The following MTRFR variants were observed in gnomAD, a reference collection of about 807,000 sequenced individuals.
MTRFR encodes the protein mitochondrial translation release factor in rescue.
In MTRFR, 10 loss-of-function variants were observed where a neutral mutation model predicts 11.9. The observed-to-expected ratio is 0.84, with a 90% CI of 0.52 to 1.42. The LOEUF (loss-of-function observed/expected upper bound fraction) is 1.42, where lower values mean the gene tolerates loss of function less well. Ranked by LOEUF, MTRFR falls within the 40% of genes most tolerant of loss-of-function variation. The probability of loss-of-function intolerance (pLI) is 0.00; values close to 1 mark genes in which losing one functional copy is unlikely to be tolerated. For synonymous variants in MTRFR, 77 were observed against 79.1 expected (o/e 0.97, Z 0.14); for missense variants, 196 against 197.9 (o/e 0.99, Z 0.06).
rs574184406 is a variant in MTRFR, at chr12:123,256,934, C to T, written c.404C>T (p.Ala135Val). The T allele has an allele frequency of 5.0e-6, 8 of 1,612,458 alleles. No homozygotes were observed. Among genetic ancestry groups the T allele is most frequent in the African/African-American group, 2.7e-5 (2 of 74,574 alleles). Reference sequence around the variant, plus strand: ...GTTCACAAAGAAAAACGAGAAGCGGCGAAGAAAAAACAAGAAAGGAAAAAA... The same window carrying T: ...GTTCACAAAGAAAAACGAGAAGCGGTGAAGAAAAAACAAGAAAGGAAAAAA... ...SPVHKEKREA[A>V]KKKQERKKRA... Residue 135 changes from alanine (A) to valine (V), a missense_variant, in exon 3 of 3, where the codon GCG (alanine) becomes GTG (valine). Coordinates refer to ENST00000253233, the MANE Select transcript of MTRFR (RefSeq NM_152269.5).
chr12:123,253,122 C>T (rs1371143175), intron 1 of MTRFR, among the ~76,000 whole-genome samples: 2 of 86,392 alleles, frequency 2.3e-5, no homozygotes, highest in African/African-American at 8.4e-5. Flanking sequence ...CACTGTCTCG[C>T]TCTGTTGTCC....
At chr12:123,254,309 C>A in intron 2 of MTRFR, 1 of 267,344 alleles carries the variant, frequency 3.7e-6, no homozygotes, top group Non-Finnish European at 7.3e-6. Context: ...GGCGCCCGGG[C>A]AGCATGGTTC....
upstream of MTRFR, chr12:123,233,087 C>T (rs1334943230): frequency 6.6e-6 from 1 of 152,302 alleles, no homozygotes; most frequent in Non-Finnish European, 1.5e-5. Flanking sequence ...GGCCGCCGCT[C>T]CCGCTGCCGA....
In MTRFR at chr12:123,253,107, T is replaced by TTTTTTTTTTTTTTTTTG. The variant is rs766114484; in HGVS notation, c.-28-540_-28-539insTTTTTTTTTTTTTTTTG. On this transcript the variant is annotated intron_variant, in intron 1 of 2. Coordinates refer to ENST00000253233, the MANE Select transcript of MTRFR (RefSeq NM_152269.5). ...TTTTTTTTTTTTTTTTTTTTTTTTTTGAGACACTGTCTCGCTCTGTTGTCC... is the reference window on the plus strand; with the variant it reads ...TTTTTTTTTTTTTTTTTTTTTTTTTTTTTTTTTTTTTTTTTTGGAGACACTGTCTCGCTCTGTTGTCC... 1.8e-3 allele frequency among the ~76,000 whole-genome samples: 112 copies of TTTTTTTTTTTTTTTTTG among 63,360 alleles called. 38 individuals carry two copies. Among genetic ancestry groups the TTTTTTTTTTTTTTTTTG allele is most frequent in the Admixed American group, 3.2e-3 (13 of 4,074 alleles). 41.6% of individuals were successfully genotyped at this position (63,360 alleles called of 152,430 possible).
At chr12:123,242,497 G>T (rs528363970) in intron 1 of MTRFR, among the ~76,000 whole-genome samples, 2 of 152,222 alleles carry the variant, frequency 1.3e-5, no homozygotes, top group Non-Finnish European at 2.9e-5. Flanking sequence ...GGCCTTTGGG[G>T]AAGTGGAACC....
intron 1 of MTRFR, chr12:123,250,934 T>C (rs186926579): frequency 6.6e-6 from 1 of 152,192 alleles, no homozygotes; most frequent in South Asian, 2.1e-4. Flanking sequence ...CCTGCCAGGG[T>C]GCATAGGGAA....
intron 2 of MTRFR, chr12:123,254,464 T>C (rs1026011752): frequency 5.9e-6 from 1 of 170,114 alleles, no homozygotes; most frequent in Non-Finnish European, 1.3e-5. Flanking sequence ...AACATTAGGG[T>C]GGCCACATCC....
chr12:123,241,794 C>G (rs563129649), intron 1 of MTRFR, among the ~76,000 whole-genome samples: 2 of 152,326 alleles, frequency 1.3e-5, no homozygotes, highest in Admixed American at 1.3e-4. Flanking sequence ...CAGAGTTGAA[C>G]ATGCCATCCC....
intron 1 of MTRFR, among the ~76,000 whole-genome samples, chr12:123,241,162 T>C (rs1225245978): frequency 6.6e-6 from 1 of 151,560 alleles, no homozygotes; most frequent in East Asian, 1.9e-4. Flanking sequence ...GTTTTTGTTT[T>C]TTTTTTAATA....
At chr12:123,237,091 A>G (rs2047863465) in intron 1 of MTRFR, among the ~76,000 whole-genome samples, 1 of 152,134 alleles carries the variant, frequency 6.6e-6, no homozygotes, top group Admixed American at 6.6e-5. Flanking sequence ...GCTAAAAAAA[A>G]AAATAGAAGA....
chr12:123,236,646 A>G lies in MTRFR; in HGVS notation c.-29+3115A>G, dbSNP rs117297820. ...TTTGGTTTGTATATGTTTAAGTCCT[A>G]AACAAACACAAGGCATCGTTAATAG... On this transcript the variant is annotated intron_variant, in intron 1 of 2. Coordinates refer to ENST00000253233, the MANE Select transcript of MTRFR (RefSeq NM_152269.5). Among the ~76,000 whole-genome samples, 260 of 152,192 alleles carry G rather than the reference A, an allele frequency of 1.7e-3. 11 individuals are homozygous for G. The East Asian group carries it at 0.047, about 27-fold the overall frequency.
intron 1 of MTRFR, among the ~76,000 whole-genome samples, chr12:123,246,944 T>C (rs2048051600): frequency 6.6e-6 from 1 of 151,616 alleles, no homozygotes; most frequent in Non-Finnish European, 1.5e-5. Context: ...TTAGCCAGGA[T>C]GGTCTCAATC....
intron 1 of MTRFR, among the ~76,000 whole-genome samples, chr12:123,234,807 TG>T (rs1163536794): frequency 2.0e-5 from 3 of 152,268 alleles, no homozygotes; most frequent in Non-Finnish European, 4.4e-5. Flanking sequence ...TCATTGAAGA[TG>T]GTTTTATCTT....
chr12:123,237,900 C>CT (rs34786765), intron 1 of MTRFR, among the ~76,000 whole-genome samples: 83,659 of 147,912 alleles, frequency 0.57, 27,283 homozygotes, highest in East Asian at 0.74. Context: ...CACCAAAACA[C>CT]TTTTTTTTTT....
At chr12:123,255,782 G>A (rs760236847) in intron 2 of MTRFR, among the ~76,000 whole-genome samples, 4 of 152,074 alleles carry the variant, frequency 2.6e-5, no homozygotes, top group Non-Finnish European at 2.9e-5. Context: ...CCATCACCAC[G>A]CCCAGCTAAT....
Sources: gnomAD v4.1 joint callset for allele counts (sites outside exome capture counted in the v4.1 genomes callset) on GRCh38, gnomAD v4.1.1 for gene constraint, MANE v1.5 for transcripts, NCBI Gene and HGNC (gene_info 2026-07-23, HGNC 2026-07-21) for gene names.